The following ADAM2 variants were observed in gnomAD, a reference collection of about 807,000 sequenced individuals.
The protein encoded by ADAM2 is disintegrin and metalloproteinase domain-containing protein 2.
In ADAM2, 101 loss-of-function variants were observed where a neutral mutation model predicts 99.3. The ratio of observed to expected loss-of-function variants is 1.02; its 90% CI spans 0.87 to 1.20. The LOEUF (loss-of-function observed/expected upper bound fraction) is 1.20, where lower values mean the gene tolerates loss of function less well. ADAM2 is among the 50% of genes most tolerant of loss of function. The pLI is 0.00. For missense variants in ADAM2, 948 were observed against 878.7 expected (o/e 1.08, Z -1.00); for synonymous variants, 323 against 287.6 (o/e 1.12, Z -1.25).
intron 3 of ADAM2, among the ~76,000 whole-genome samples, chr8:39,829,575 G>T (rs1298522118): frequency 6.6e-6 from 1 of 151,848 alleles, no homozygotes; most frequent in Middle Eastern, 3.2e-3. Context: ...TAATTCAGAG[G>T]AGTGTGTAAA....
At chr8:39,782,132 T>A (rs369821626) in intron 10 of ADAM2, among the ~76,000 whole-genome samples, 3 of 152,224 alleles carry the variant, frequency 2.0e-5, no homozygotes, top group African/African-American at 4.8e-5. Context: ...AATAGCTTCA[T>A]GATCTTAGAA....
At chr8:39,746,171 G>A (rs572943573) in intron 19 of ADAM2, among the ~76,000 whole-genome samples, 130 of 152,132 alleles carry the variant, frequency 8.5e-4, no homozygotes, top group African/African-American at 3.0e-3. Flanking sequence ...GACTATAGGT[G>A]CATGCCACCA....
At chr8:39,807,804 A>T (rs1804501033) in intron 7 of ADAM2, among the ~76,000 whole-genome samples, 1 of 152,190 alleles carries the variant, frequency 6.6e-6, no homozygotes, top group South Asian at 2.1e-4. Flanking sequence ...AAAAATGATT[A>T]TGCATCATGA....
At position 39,746,545 on chromosome 8, in the gene ADAM2, C is replaced by T; in HGVS notation, c.2101G>A (p.Val701Ile). 2 of 1,605,084 alleles carry T rather than the reference C, an allele frequency of 1.2e-6. No individual in the cohort carries two copies. Among genetic ancestry groups the T allele is most frequent in the Non-Finnish European group, 8.5e-7 (1 of 1,175,540 alleles). Residue 701 changes from valine to isoleucine, a missense_variant, in exon 19 of 21, where the codon GTA becomes ATA. Transcript: ENST00000265708. ...ACTTTCACCATTATAGCAATCAGTA[C>T]ACAGAAAATAATAAAGAAAGGAATG... ...LFIPFFIIFCVLIAIMVKVNF... is the reference protein window; with the variant it reads ...LFIPFFIIFCILIAIMVKVNF...
At chr8:39,759,228 TACA>T (rs1802262732) in intron 15 of ADAM2, among the ~76,000 whole-genome samples, 1 of 151,742 alleles carries the variant, frequency 6.6e-6, no homozygotes, top group Admixed American at 6.6e-5. Context: ...AAATCCAGGG[TACA>T]ACAACATCAC....
chr8:39,837,381 GTT>G (rs112475501), intron 1 of ADAM2, among the ~76,000 whole-genome samples, 169 bp from the exon 2 acceptor site: 1 of 142,434 alleles, frequency 7.0e-6, no homozygotes. Context: ...CTGTTTTTCT[GTT>G]TTTTTTTTTG....
chr8:39,745,999 G>A lies in ADAM2; in HGVS notation c.2174+473C>T, dbSNP rs192775957. Reference sequence around the variant, plus strand: ...TATATGCATGTGTATGTGTGTGTGTGTGTGCATGTGTGTGTGTGTATATAT... The same window carrying A: ...TATATGCATGTGTATGTGTGTGTGTATGTGCATGTGTGTGTGTGTATATAT... On this transcript the variant is annotated intron_variant, in intron 19 of 20. Transcript: ENST00000265708. Among the ~76,000 whole-genome samples, 70 of 135,810 alleles carry A rather than the reference G, an allele frequency of 5.2e-4. 2 individuals are homozygous for A. The East Asian group carries it at 0.016, about 31-fold the overall frequency. The allele number at this position is 135,810 out of a possible 152,430, so 89.1% of individuals were successfully genotyped here. A position where few individuals can be genotyped will look rare whatever the true frequency, so the allele number is the denominator to read the frequency against.
At chr8:39,811,052 A>C in intron 6 of ADAM2, among the ~76,000 whole-genome samples, 1 of 152,170 alleles carries the variant, frequency 6.6e-6, no homozygotes, top group Non-Finnish European at 1.5e-5. Context: ...AAGACTAATA[A>C]AGAAGAAAAG....
intron 10 of ADAM2, among the ~76,000 whole-genome samples, chr8:39,780,062 G>A (rs1271928374): frequency 6.6e-6 from 1 of 152,046 alleles, no homozygotes; most frequent in African/African-American, 2.4e-5. Context: ...GAGGTTTAAT[G>A]GACTCACAGT....
chr8:39,791,996 G>A (rs1296439969), intron 7 of ADAM2, among the ~76,000 whole-genome samples: 1 of 151,884 alleles, frequency 6.6e-6, no homozygotes, highest in Non-Finnish European at 1.5e-5. Context: ...TAGTGCACTT[G>A]CCACTTGCCA....
intron 10 of ADAM2, among the ~76,000 whole-genome samples, chr8:39,779,128 C>A (rs1033302897): frequency 2.0e-5 from 3 of 151,736 alleles, no homozygotes; most frequent in Admixed American, 1.3e-4. Flanking sequence ...TGTCTTTGAT[C>A]ATTATAGGAT....
At chr8:39,811,820 C>T (rs1024703057) in intron 6 of ADAM2, among the ~76,000 whole-genome samples, 1 of 152,208 alleles carries the variant, frequency 6.6e-6, no homozygotes, top group Non-Finnish European at 1.5e-5. Flanking sequence ...CAGCCAATGT[C>T]ATACTGAATG....
intron 16 of ADAM2, among the ~76,000 whole-genome samples, chr8:39,751,602 A>G (rs1011086269): frequency 1.2e-4 from 18 of 152,236 alleles, no homozygotes; most frequent in African/African-American, 4.3e-4. Context: ...ATCCAAATAA[A>G]GAAGCTAGCT....
intron 7 of ADAM2, among the ~76,000 whole-genome samples, chr8:39,791,077 T>C (rs1368618901): frequency 6.6e-6 from 1 of 150,806 alleles, no homozygotes; most frequent in East Asian, 1.9e-4. Context: ...AAAAAGGATG[T>C]AAGGCCTCGA....
chr8:39,832,399 A>G (rs565707014), intron 3 of ADAM2, among the ~76,000 whole-genome samples: 129 of 152,292 alleles, frequency 8.5e-4, no homozygotes, highest in African/African-American at 2.8e-3. Context: ...AACAATAGCC[A>G]CTAAAGGCTT....
intron 6 of ADAM2, among the ~76,000 whole-genome samples, chr8:39,812,666 G>GAA (rs916417438): frequency 1.3e-5 from 2 of 152,172 alleles, no homozygotes; most frequent in African/African-American, 4.8e-5. Flanking sequence ...ACAAAAACAA[G>GAA]AAATGGTTTT....
rs1050667797 is a variant in ADAM2 at position 39,826,392 on chromosome 8, A to T, written c.189-1495T>A. 1.5e-4 allele frequency among the ~76,000 whole-genome samples: 23 copies of T among 152,216 alleles called. 1 individual carries two copies. ...TAGAGAAAACTGGACACCCACATGC[A>T]GAAAAACAAAATTGCATCGTTTCAC... On this transcript the variant is annotated intron_variant, in intron 3 of 20. Transcript: ENST00000265708.
chr8:39,775,174 C>T (rs184046040), intron 11 of ADAM2, among the ~76,000 whole-genome samples: 132 of 152,110 alleles, frequency 8.7e-4, no homozygotes, highest in African/African-American at 2.8e-3. Flanking sequence ...AGAAGGAGTG[C>T]GTACATTTCA....
intron 18 of ADAM2, among the ~76,000 whole-genome samples, chr8:39,747,424 C>T (rs1823518779): frequency 6.6e-6 from 1 of 152,092 alleles, no homozygotes; most frequent in African/African-American, 2.4e-5. Context: ...TTCTTAGTAG[C>T]CTTACTGTTT....
Sources: allele counts gnomAD v4.1 joint callset (sites outside exome capture counted in the v4.1 genomes callset), GRCh38; gene constraint gnomAD v4.1.1; transcripts MANE v1.5; gene names NCBI Gene and HGNC (gene_info 2026-07-23, HGNC 2026-07-21).